The following VRTN variants were observed in gnomAD, a reference collection of about 807,000 sequenced individuals.
VRTN encodes vertnin.
In VRTN, 5 loss-of-function variants were observed where a neutral mutation model predicts 18.2. That is an observed-to-expected ratio of 0.27 (90% CI 0.14 to 0.58). The LOEUF (loss-of-function observed/expected upper bound fraction) is 0.58. VRTN is among the 20% of genes least tolerant of loss of function. The pLI, the probability that VRTN is intolerant of heterozygous loss-of-function variation, is 0.91. For missense variants in VRTN, 741 were observed against 939.4 expected, an observed-to-expected ratio of 0.79 and a Z score of 2.76; for synonymous variants, 381 against 393.7, an observed-to-expected ratio of 0.97 and a Z score of 0.38.
chr14:74,348,619 G>A lies in VRTN; in HGVS notation c.-35G>A, dbSNP rs1401697917. Reference sequence around the variant, plus strand: ...CCCAGGCTGGAAGGTGGAGCGAGAAGTGGATGCCCCCAGGGCTCTGGGTCA... The same window carrying A: ...CCCAGGCTGGAAGGTGGAGCGAGAAATGGATGCCCCCAGGGCTCTGGGTCA... On this transcript the variant is annotated 5_prime_UTR_variant, in exon 1 of 2. In the 5' UTR this introduces an upstream ATG that the reference lacks. Coordinates refer to ENST00000256362, the MANE Select transcript of VRTN (RefSeq NM_018228.3). 1 of 152,378 alleles carries A rather than the reference G, an allele frequency of 6.6e-6. No individual in the cohort carries two copies. Among genetic ancestry groups the A allele is most frequent in the Non-Finnish European group, 1.5e-5 (1 of 68,170 alleles). The allele number at this position is 152,378 out of a possible 1,614,324, so 9.4% of individuals were successfully genotyped here.
upstream of VRTN, among the ~76,000 whole-genome samples, chr14:74,346,218 A>G (rs2140209098): frequency 6.6e-6 from 1 of 151,986 alleles, no homozygotes; most frequent in South Asian, 2.1e-4. Flanking sequence ...TGGCAGGATC[A>G]CTCGAGCTCG....
intron 1 of VRTN, among the ~76,000 whole-genome samples, chr14:74,303,331 G>C (rs756117855): frequency 4.6e-4 from 70 of 152,280 alleles, no homozygotes; most frequent in Non-Finnish European, 8.5e-4. Flanking sequence ...CGGGAGGATC[G>C]CTTGAGCCCA....
intron 1 of VRTN, among the ~76,000 whole-genome samples, chr14:74,315,033 A>G (rs1369750156): frequency 6.6e-6 from 1 of 152,190 alleles, no homozygotes; most frequent in Non-Finnish European, 1.5e-5. Context: ...TCTAGTTTCT[A>G]TGGCCTGCCT....
At chr14:74,333,226 T>C (rs1344833233) in intron 1 of VRTN, among the ~76,000 whole-genome samples, 4 of 151,676 alleles carry the variant, frequency 2.6e-5, no homozygotes, top group African/African-American at 9.7e-5. Context: ...CTACTAAAAA[T>C]ACAAAAATTA....
At chr14:74,331,544 T>TTATATATATATATA (rs1169929236) in intron 1 of VRTN, among the ~76,000 whole-genome samples, 33 of 43,442 alleles carry the variant, frequency 7.6e-4, no homozygotes, top group South Asian at 2.3e-3. Context: ...AAAAAAAATT[T>TTATATATATATATA]TATATATATA....
At chr14:74,310,541 T>TG (rs2085381476) in intron 1 of VRTN, among the ~76,000 whole-genome samples, 1 of 149,706 alleles carries the variant, frequency 6.7e-6, no homozygotes, top group Non-Finnish European at 1.5e-5. Context: ...CTGTTTTTTT[T>TG]TTTTTTTTTT....
intron 2 of VRTN, among the ~76,000 whole-genome samples, chr14:74,340,446 A>G (rs901393059): frequency 2.0e-5 from 3 of 150,668 alleles, no homozygotes; most frequent in Admixed American, 6.6e-5. Context: ...GGGTTTCACC[A>G]TATTGGTCAG....
chr14:74,351,561 C>G (rs1023894090), intron 1 of VRTN, among the ~76,000 whole-genome samples: 7 of 135,786 alleles, frequency 5.2e-5, no homozygotes, highest in African/African-American at 2.0e-4. Context: ...AGTGCAGTGG[C>G]ATAATCTCAG....
At position 74,358,585 on chromosome 14, in the gene VRTN, G is replaced by C; in HGVS notation, c.1802G>C (p.Gly601Ala). The change falls in exon 2 of 2, where the codon GGA (glycine) becomes GCA (alanine). Residue 601 changes from glycine (G) to alanine (A), a missense_variant. Physicochemically the swap from Gly to Ala is moderately conservative, Grantham distance 60. Coordinates refer to ENST00000256362, the MANE Select transcript of VRTN (RefSeq NM_018228.3). The surrounding 1 kb of genome is among the most constrained non-coding windows in gnomAD (Gnocchi z 5.4). ...GGGGCTTCTTCAGAAGATGTAGAGG[G>C]AGGGCCTTCCAGAGAGGGGGCCCTG... ...PVGASSEDVE[G>A]GPSREGALQE... 1 of 1,602,894 alleles carries C rather than the reference G, an allele frequency of 6.2e-7. No individual in the cohort carries two copies. Among genetic ancestry groups the C allele is most frequent in the Non-Finnish European group, 8.5e-7 (1 of 1,173,882 alleles).
chr14:74,313,324 T>C (rs919078177), intron 1 of VRTN, among the ~76,000 whole-genome samples: 4 of 152,196 alleles, frequency 2.6e-5, no homozygotes, highest in Admixed American at 1.3e-4. Flanking sequence ...AAAATTAGAA[T>C]GATAAAGCGA....
rs186864055 is a variant in VRTN, at chr14:74,328,688, A to T, written c.-163-9035A>T. On this transcript the variant is annotated intron_variant, in intron 1 of 2. Coordinates refer to the VRTN transcript ENST00000557177. ...TGACAAGGAAAGAGATCCATGACAT[A>T]CTGCAGGGTTAAAAAGAGTAAGTTA... 5.3e-5 allele frequency among the ~76,000 whole-genome samples: 8 copies of T among 152,338 alleles called. No individual in the cohort carries two copies. The East Asian group carries it at 1.5e-3, about 29-fold the overall frequency.
intron 1 of VRTN, among the ~76,000 whole-genome samples, chr14:74,320,117 C>T (rs1238631129): frequency 6.6e-6 from 1 of 152,068 alleles, no homozygotes; most frequent in African/African-American, 2.4e-5. Flanking sequence ...GTGGCATGCT[C>T]CTATACTCCT....
intron 1 of VRTN, among the ~76,000 whole-genome samples, chr14:74,354,099 C>G (rs541917660): frequency 3.2e-4 from 49 of 152,024 alleles, no homozygotes; most frequent in Admixed American, 8.5e-4. Context: ...GCACATTATT[C>G]TACATTTTTA....
At chr14:74,314,484 C>T (rs1343740304) in intron 1 of VRTN, among the ~76,000 whole-genome samples, 1 of 146,834 alleles carries the variant, frequency 6.8e-6, no homozygotes, top group East Asian at 2.1e-4. Flanking sequence ...GCAACCTTCA[C>T]CTTCTGGGTT....
intron 1 of VRTN, among the ~76,000 whole-genome samples, chr14:74,330,411 A>C (rs2140201068): frequency 6.6e-6 from 1 of 151,258 alleles, no homozygotes; most frequent in South Asian, 2.1e-4. Context: ...GCACTCAGTT[A>C]GTTGAAGTAT....
At chr14:74,338,366 G>A (rs1228861627) in intron 2 of VRTN, among the ~76,000 whole-genome samples, 2 of 152,152 alleles carry the variant, frequency 1.3e-5, no homozygotes, top group Non-Finnish European at 2.9e-5. Context: ...ACCCAGGAAT[G>A]AGGGGCTCAA....
upstream of VRTN, among the ~76,000 whole-genome samples, chr14:74,344,402 T>A (rs866970494): frequency 1.1e-5 from 1 of 92,244 alleles, no homozygotes; most frequent in African/African-American, 5.0e-5. Context: ...AGAGCAAGAC[T>A]GTCTCAAAAA....
chr14:74,357,412 G>T lies in VRTN; in HGVS notation c.629G>T (p.Arg210Leu). 1 of 1,612,780 alleles carries T rather than the reference G, an allele frequency of 6.2e-7. No homozygotes were observed. Residue 210 changes from arginine to leucine, a missense_variant, in exon 2 of 2, where the codon CGC (arginine) becomes CTC (leucine). This residue lies in a region of VRTN where 186 missense variants were observed against 288.3 expected (regional missense o/e 0.65). Coordinates refer to ENST00000256362, the MANE Select transcript of VRTN (RefSeq NM_018228.3). The surrounding 1 kb of genome is among the most constrained non-coding windows in gnomAD (Gnocchi z 7.8). The part of the protein sequence containing the change: ...PYFNRVIRPR[R>L]CDHVPSTLHI... ...TTCAACCGTGTCATCCGGCCCCGCC[G>T]CTGCGACCACGTGCCCTCCACGCTG... is the stretch of plus-strand genomic sequence containing the variant.
At chr14:74,326,847 C>T (rs2085491473) in intron 1 of VRTN, among the ~76,000 whole-genome samples, 1 of 152,290 alleles carries the variant, frequency 6.6e-6, no homozygotes, top group African/African-American at 2.4e-5. Context: ...CTCCTCGTTC[C>T]CTGGAGGTTG....
Sources: allele counts gnomAD v4.1 joint callset (sites outside exome capture counted in the v4.1 genomes callset), GRCh38; gene constraint gnomAD v4.1.1; regional missense constraint gnomAD v4.1.1; non-coding constraint Gnocchi (gnomAD v3.1); transcripts MANE v1.5; gene names NCBI Gene and HGNC (gene_info 2026-07-23, HGNC 2026-07-21).